MRTFA: variants seen among roughly 807,000 people sequenced by gnomAD.
MRTFA encodes the protein myocardin related transcription factor A.
Under a neutral mutation model 83.5 loss-of-function variants are expected in MRTFA, and 20 were observed. The ratio of observed to expected loss-of-function variants is 0.24; its 90% CI spans 0.17 to 0.35. The LOEUF (loss-of-function observed/expected upper bound fraction) is 0.35, where lower values mean the gene tolerates loss of function less well. Among genes scored for constraint, MRTFA ranks in the 10% least tolerant of loss-of-function variants. The pLI, the probability that MRTFA is intolerant of heterozygous loss-of-function variation, is 1.00. For missense variants in MRTFA, 1,200 were observed against 1,224.7 expected, an observed-to-expected ratio of 0.98 and a Z score of 0.30; for synonymous variants, 659 against 541.2, an observed-to-expected ratio of 1.22 and a Z score of -3.02.
intron 3 of MRTFA, among the ~76,000 whole-genome samples, chr22:40,464,031 G>A (rs1165081701): frequency 6.6e-6 from 1 of 152,028 alleles, no homozygotes; most frequent in East Asian, 1.9e-4. Flanking sequence ...AGGCACAGTG[G>A]CTCATGCCTA....
chr22:40,418,696 A>C lies in MRTFA; in HGVS notation c.2042T>G (p.Phe681Cys). Residue 681 changes from phenylalanine (F) to cysteine (C), a missense_variant, in exon 12 of 15, where the codon TTC becomes TGC. Phe to Cys is a radical substitution (Grantham distance 205, BLOSUM62 -2). Coordinates refer to ENST00000355630, the MANE Select transcript of MRTFA (RefSeq NM_020831.6). The stretch of plus-strand genomic sequence containing the variant: ...CTGCTGGCTCAGCTGGCAGCTGGAG[A>C]AGCTGTTCTCCTGCTTCACGGGGGT... 4 of 1,249,648 alleles carry C rather than the reference A, an allele frequency of 3.2e-6. No individual in the cohort carries two copies. Among genetic ancestry groups the C allele is most frequent in the Non-Finnish European group, 4.1e-6 (4 of 982,048 alleles). The allele number at this position is 1,249,648 out of a possible 1,614,324, so 77.4% of individuals were successfully genotyped here.
chr22:40,473,271 C>T (rs1368331856), intron 3 of MRTFA, among the ~76,000 whole-genome samples: 1 of 152,122 alleles, frequency 6.6e-6, no homozygotes, highest in African/African-American at 2.4e-5. Flanking sequence ...ACAATCCTCC[C>T]ACCTCAGCCG....
chr22:40,581,385 G>A (rs2055945510), intron 2 of MRTFA, among the ~76,000 whole-genome samples: 1 of 152,050 alleles, frequency 6.6e-6, no homozygotes, highest in Non-Finnish European at 1.5e-5. Flanking sequence ...TGGTTCATAG[G>A]ACATTCATCA....
chr22:40,462,627 C>A (rs1233378619), intron 4 of MRTFA, among the ~76,000 whole-genome samples: 3 of 152,182 alleles, frequency 2.0e-5, no homozygotes, highest in Non-Finnish European at 4.4e-5. Flanking sequence ...TTACTTCTAA[C>A]AGATTCCAAG....
chr22:40,507,843 G>T (rs1228167638), intron 3 of MRTFA, among the ~76,000 whole-genome samples: 1 of 151,436 alleles, frequency 6.6e-6, no homozygotes. Flanking sequence ...CACACCTGTA[G>T]TCCCAGCTAC....
chr22:40,620,344 G>A lies in MRTFA; in HGVS notation c.-84+16134C>T, dbSNP rs867485647. Among the ~76,000 whole-genome samples, 26 of 150,690 alleles carry A rather than the reference G, an allele frequency of 1.7e-4. 1 individual carries two copies. The highest frequency in any genetic ancestry group is 3.5e-3 in the Middle Eastern group (1 of 286). On this transcript the variant is annotated intron_variant, in intron 1 of 14. Transcript: ENST00000355630. ...TCTCTATGTTGGTCAGGCTGGTCTC[G>A]AACTCCCGACCTCAGGTGATACACC... is the stretch of plus-strand genomic sequence containing the variant.
At chr22:40,485,979 C>A (rs900132660) in intron 3 of MRTFA, among the ~76,000 whole-genome samples, 1 of 152,156 alleles carries the variant, frequency 6.6e-6, no homozygotes, top group African/African-American at 2.4e-5. Context: ...AGCTTTTCAA[C>A]CTGGCAGGCC....
chr22:40,593,246 T>C (rs1042000409), intron 2 of MRTFA, among the ~76,000 whole-genome samples: 1 of 152,172 alleles, frequency 6.6e-6, no homozygotes, highest in Non-Finnish European at 1.5e-5. Context: ...CATAAAACAC[T>C]ACAAAATTCT....
rs546208873 is a variant in MRTFA at position 40,628,119 on chromosome 22, A to G, written c.-84+8359T>C. Reference sequence around the variant, plus strand: ...AATAAGGTAGCACAATGTCTACTATAAAGTAGATGCCCCTATTACTTCCCT... The same window carrying G: ...AATAAGGTAGCACAATGTCTACTATGAAGTAGATGCCCCTATTACTTCCCT... On this transcript the variant is annotated intron_variant, in intron 1 of 14. Coordinates refer to ENST00000355630, the MANE Select transcript of MRTFA (RefSeq NM_020831.6). Among the ~76,000 whole-genome samples the G allele has an allele frequency of 2.0e-5, 3 of 152,332 alleles. No individual in the cohort carries two copies. The South Asian group carries it at 6.2e-4, about 32-fold the overall frequency.
chr22:40,551,642 T>C (rs928314971), intron 3 of MRTFA, among the ~76,000 whole-genome samples: 1 of 152,168 alleles, frequency 6.6e-6, no homozygotes, highest in Non-Finnish European at 1.5e-5. Flanking sequence ...GTGCTGGAAT[T>C]ACAGGCCTAA....
At chr22:40,434,407 G>A (rs1349535499) in intron 5 of MRTFA, among the ~76,000 whole-genome samples, 1 of 151,944 alleles carries the variant, frequency 6.6e-6, no homozygotes, top group African/African-American at 2.4e-5. Flanking sequence ...AGTCTTGGAG[G>A]TAAATATTTC....
At chr22:40,479,438 C>A (rs2054052410) in intron 3 of MRTFA, among the ~76,000 whole-genome samples, 1 of 152,088 alleles carries the variant, frequency 6.6e-6, no homozygotes, top group Non-Finnish European at 1.5e-5. Context: ...TTTCCTCTCG[C>A]AAGTCCCCTC....
At chr22:40,436,673 G>A (rs190739334) in intron 4 of MRTFA, among the ~76,000 whole-genome samples, 1 of 152,246 alleles carries the variant, frequency 6.6e-6, no homozygotes, top group Admixed American at 6.5e-5. Flanking sequence ...AGCAACTTAA[G>A]ACACTCTGAG....
At chr22:40,445,802 C>A (rs2053366517) in intron 4 of MRTFA, among the ~76,000 whole-genome samples, 2 of 152,188 alleles carry the variant, frequency 1.3e-5, no homozygotes, top group African/African-American at 4.8e-5. Context: ...CCTGCCTTGG[C>A]CTCCCAAATT....
At chr22:40,543,928 A>G (rs1471886784) in intron 3 of MRTFA, among the ~76,000 whole-genome samples, 2 of 152,238 alleles carry the variant, frequency 1.3e-5, no homozygotes, top group African/African-American at 4.8e-5. Context: ...CTCCCATACA[A>G]CAGGGCTTAT....
At chr22:40,611,685 C>T (rs777352657) in intron 1 of MRTFA, among the ~76,000 whole-genome samples, 1 of 152,128 alleles carries the variant, frequency 6.6e-6, no homozygotes, top group Non-Finnish European at 1.5e-5. Context: ...ATTATCAGTA[C>T]AGAATGATAA....
At chr22:40,448,078 G>A (rs537910361) in intron 4 of MRTFA, among the ~76,000 whole-genome samples, 45 of 152,320 alleles carry the variant, frequency 3.0e-4, no homozygotes, top group Non-Finnish European at 4.9e-4. Context: ...TTGGGAGTAC[G>A]AGGTGGGCGG....
chr22:40,460,669 T>C (rs892275848), intron 4 of MRTFA, among the ~76,000 whole-genome samples: 1 of 152,190 alleles, frequency 6.6e-6, no homozygotes, highest in African/African-American at 2.4e-5. Context: ...ATCTTGTTTC[T>C]CCACAGTATG....
chr22:40,480,835 G>A (rs1027122633), intron 3 of MRTFA, among the ~76,000 whole-genome samples: 3 of 140,638 alleles, frequency 2.1e-5, no homozygotes, highest in Non-Finnish European at 4.5e-5. Flanking sequence ...TGCAACCTCC[G>A]CCTCCCGGGT....
Sources: allele counts gnomAD v4.1 joint callset (sites outside exome capture counted in the v4.1 genomes callset), GRCh38; gene constraint gnomAD v4.1.1; transcripts MANE v1.5; gene names NCBI Gene and HGNC (gene_info 2026-07-23, HGNC 2026-07-21).